Variants in SGCZ observed in about 807,000 individuals in gnomAD.
SGCZ encodes the protein sarcoglycan zeta.
A neutral mutation model predicts 41.3 loss-of-function variants in SGCZ; 40 were observed. That is an observed-to-expected ratio of 0.97 (90% confidence interval 0.75 to 1.26). SGCZ has a LOEUF of 1.26. SGCZ is among the 50% of genes most tolerant of loss of function. The pLI, the probability that SGCZ is intolerant of heterozygous loss-of-function variation, is 0.00. For missense variants in SGCZ, 552 were observed against 369.8 expected, an observed-to-expected ratio of 1.49 and a Z score of -4.04; for synonymous variants, 206 against 137.5, an observed-to-expected ratio of 1.50 and a Z score of -3.49.
chr8:14,419,989 T>C (rs183342811), intron 2 of SGCZ, among the ~76,000 whole-genome samples: 143 of 152,196 alleles, frequency 9.4e-4, no homozygotes, highest in Non-Finnish European at 1.4e-3. Flanking sequence ...GAGCACCAAA[T>C]GTGATTTGTT....
rs116542324 is a variant in SGCZ at position 14,149,221 on chromosome 8, T to C, written c.547+15359A>G. Among the ~76,000 whole-genome samples the C allele has an allele frequency of 6.8e-3, 1,028 of 152,128 alleles. 10 individuals carry two copies. The highest frequency in any genetic ancestry group is 0.022 in the African/African-American group (906 of 41,530). On this transcript the variant is annotated intron_variant, in intron 5 of 7. Coordinates refer to ENST00000382080, the MANE Select transcript of SGCZ (RefSeq NM_139167.4). Reference sequence around the variant, plus strand: ...CCAGAGAAAGATTTGAGCATCCAAATTGAAAACGAACAAGTCAAATTATCC... The same window carrying C: ...CCAGAGAAAGATTTGAGCATCCAAACTGAAAACGAACAAGTCAAATTATCC...
intron 1 of SGCZ, among the ~76,000 whole-genome samples, chr8:14,773,565 T>C (rs1306334071): frequency 6.6e-6 from 1 of 152,214 alleles, no homozygotes; most frequent in South Asian, 2.1e-4. Context: ...TTAGATAGTT[T>C]TATGCCCTTC....
intron 1 of SGCZ, among the ~76,000 whole-genome samples, chr8:14,980,573 G>A (rs531450024): frequency 6.6e-6 from 1 of 152,308 alleles, no homozygotes; most frequent in South Asian, 2.1e-4. Flanking sequence ...CAATCATGGT[G>A]GAAGGCACAG....
intron 1 of SGCZ, among the ~76,000 whole-genome samples, chr8:15,056,829 G>C (rs973221010): frequency 2.0e-5 from 3 of 152,180 alleles, no homozygotes; most frequent in African/African-American, 4.8e-5. Flanking sequence ...AATTGTGCCA[G>C]TGTCAGCAAT....
intron 4 of SGCZ, among the ~76,000 whole-genome samples, chr8:14,177,958 C>CTTTTCTTTTTTTTTCTTTTTTTTTTTT (rs767919994): frequency 3.9e-4 from 37 of 95,044 alleles, no homozygotes; most frequent in Non-Finnish European, 5.6e-4. Flanking sequence ...CTTTTTTTTT[C>CTTTTCTTTTTTTTTCTTTTTTTTTTTT]TTTTTTTTTT....
At chr8:14,245,288 C>T (rs1013921796) in intron 3 of SGCZ, among the ~76,000 whole-genome samples, 3 of 152,104 alleles carry the variant, frequency 2.0e-5, no homozygotes, top group Non-Finnish European at 2.9e-5. Context: ...AGAAATAACG[C>T]CGCATATCTA....
intron 1 of SGCZ, among the ~76,000 whole-genome samples, chr8:14,582,258 G>A (rs1455709686): frequency 6.6e-6 from 1 of 151,860 alleles, no homozygotes; most frequent in African/African-American, 2.4e-5. Flanking sequence ...AATTAACATC[G>A]CTAGGCTATT....
At chr8:14,646,994 G>A (rs563246110) in intron 1 of SGCZ, among the ~76,000 whole-genome samples, 23 of 152,012 alleles carry the variant, frequency 1.5e-4, no homozygotes, top group East Asian at 9.7e-4. Flanking sequence ...AATTTAGGTC[G>A]TAGAGCTTCC....
chr8:14,622,768 C>A (rs1361442299), intron 1 of SGCZ, among the ~76,000 whole-genome samples: 1 of 152,040 alleles, frequency 6.6e-6, no homozygotes, highest in East Asian at 1.9e-4. Flanking sequence ...ACTAAGGGTG[C>A]CAATAATAAA....
At chr8:14,573,092 A>T (rs887580803) in intron 1 of SGCZ, among the ~76,000 whole-genome samples, 1 of 151,462 alleles carries the variant, frequency 6.6e-6, no homozygotes, top group East Asian at 1.9e-4. Flanking sequence ...GGTAGTTATT[A>T]TATGTGGCAA....
At chr8:14,639,038 C>CTTT (rs148778266) in intron 1 of SGCZ, among the ~76,000 whole-genome samples, 16,849 of 136,898 alleles carry the variant, frequency 0.12, 1,478 homozygotes, top group East Asian at 0.41. Context: ...AAACTGGAAT[C>CTTT]TTTTTTTTTT....
At chr8:14,094,497 G>T (rs990844437) in intron 7 of SGCZ, among the ~76,000 whole-genome samples, 2 of 152,016 alleles carry the variant, frequency 1.3e-5, no homozygotes, top group African/African-American at 2.4e-5. Flanking sequence ...AGTATTCCGT[G>T]GTGTATATGT....
intron 1 of SGCZ, among the ~76,000 whole-genome samples, chr8:14,608,451 C>T (rs187374684): frequency 6.0e-5 from 9 of 150,508 alleles, no homozygotes; most frequent in East Asian, 2.0e-4. Flanking sequence ...GGCGGGGAGG[C>T]GGGGGGCAGA....
intron 2 of SGCZ, among the ~76,000 whole-genome samples, chr8:14,400,832 T>C (rs1315715616): frequency 6.6e-6 from 1 of 152,176 alleles, no homozygotes; most frequent in Non-Finnish European, 1.5e-5. Context: ...TACTCAACAA[T>C]TAATTAGCAT....
chr8:14,131,628 T>C (rs912998144), intron 5 of SGCZ, among the ~76,000 whole-genome samples: 1 of 152,200 alleles, frequency 6.6e-6, no homozygotes, highest in African/African-American at 2.4e-5. Context: ...CAGTTTATCC[T>C]ACATCATGTT....
chr8:15,142,547 C>T lies in SGCZ; in HGVS notation c.39+95038G>A, dbSNP rs17655719. ...CCTGCAAGACTCACAGAGCACACTA[C>T]TAACCCTGGGCAAGAGACATCATGT... On this transcript the variant is annotated intron_variant, in intron 1 of 7. Transcript: ENST00000382080. 8.6e-3 allele frequency among the ~76,000 whole-genome samples: 1,306 copies of T among 152,180 alleles called. 79 individuals are homozygous for T. In the East Asian group the frequency reaches 0.15, roughly 17 times the overall value.
At position 15,097,260 on chromosome 8, in the gene SGCZ, C is replaced by G. The variant is rs369143502; in HGVS notation, c.39+140325G>C. The stretch of plus-strand genomic sequence containing the variant: ...AATGCACATACTTGTAATATTTACT[C>G]TAATGTAGAATGCCTTTATAATCTT... On this transcript the variant is annotated intron_variant, in intron 1 of 7. Coordinates refer to ENST00000382080, the MANE Select transcript of SGCZ (RefSeq NM_139167.4). 1.4e-4 allele frequency among the ~76,000 whole-genome samples: 22 copies of G among 152,220 alleles called. No individual in the cohort carries two copies. In the East Asian group the frequency reaches 3.5e-3, roughly 24 times the overall value.
At chr8:15,163,188 G>A (rs955269138) in intron 1 of SGCZ, among the ~76,000 whole-genome samples, 1 of 152,092 alleles carries the variant, frequency 6.6e-6, no homozygotes, top group African/African-American at 2.4e-5. Flanking sequence ...CTTTGTTACT[G>A]GCTTATACTT....
At chr8:15,184,885 T>C (rs1199328363) in intron 1 of SGCZ, among the ~76,000 whole-genome samples, 2 of 152,166 alleles carry the variant, frequency 1.3e-5, no homozygotes, top group Non-Finnish European at 2.9e-5. Context: ...ATTCACTTTA[T>C]TAAATTCCCA....
Sources: gnomAD v4.1 joint callset for allele counts (sites outside exome capture counted in the v4.1 genomes callset) on GRCh38, gnomAD v4.1.1 for gene constraint, MANE v1.5 for transcripts, NCBI Gene and HGNC (gene_info 2026-07-23, HGNC 2026-07-21) for gene names.